TTC27: variants seen among roughly 807,000 people sequenced by gnomAD.
TTC27 encodes tetratricopeptide repeat domain 27.
A neutral mutation model predicts 115.9 loss-of-function variants in TTC27; 79 were observed. The observed-to-expected ratio is 0.68, with a 90% confidence interval of 0.57 to 0.82. The LOEUF (loss-of-function observed/expected upper bound fraction) is 0.82, where lower values mean the gene tolerates loss of function less well. TTC27 is among the 40% of genes least tolerant of loss of function. TTC27 has a pLI of 0.00. For missense variants in TTC27, 1,054 were observed against 993.1 expected, an observed-to-expected ratio of 1.06 and a Z score of -0.82; for synonymous variants, 401 against 356.0, an observed-to-expected ratio of 1.13 and a Z score of -1.42.
intron 5 of TTC27, among the ~76,000 whole-genome samples, chr2:32,658,476 G>A (rs190756565): frequency 2.2e-4 from 34 of 152,270 alleles, no homozygotes; most frequent in Admixed American, 1.9e-3. Flanking sequence ...ATCATTGTGA[G>A]AATTAAATAA....
intron 19 of TTC27, among the ~76,000 whole-genome samples, chr2:32,818,949 G>T (rs1671595335): frequency 2.0e-5 from 3 of 152,004 alleles, no homozygotes; most frequent in Non-Finnish European, 4.4e-5. Flanking sequence ...CTCCTAGCTT[G>T]GCAGCACAAC....
chr2:32,767,044 C>A (rs895274046), intron 13 of TTC27, among the ~76,000 whole-genome samples: 2 of 152,178 alleles, frequency 1.3e-5, no homozygotes, highest in Non-Finnish European at 2.9e-5. Flanking sequence ...GCTTGACCTT[C>A]CAAAGTGTTG....
At chr2:32,728,281 T>C (rs1307229905) in intron 10 of TTC27, among the ~76,000 whole-genome samples, 1 of 152,106 alleles carries the variant, frequency 6.6e-6, no homozygotes, top group Non-Finnish European at 1.5e-5. Context: ...GATCTTGTGA[T>C]CCGCCGGCCT....
At chr2:32,691,535 G>T (rs1451885594) in intron 9 of TTC27, among the ~76,000 whole-genome samples, 1 of 152,018 alleles carries the variant, frequency 6.6e-6, no homozygotes, top group Non-Finnish European at 1.5e-5. Flanking sequence ...CTGACCTCAG[G>T]TGATCAGTCC....
Position 32,811,111 on chromosome 2 carries a change from G to C in TTC27, c.2086G>C (p.Glu696Gln), listed in dbSNP as rs1329060613. 6.2e-6 allele frequency: 10 copies of C among 1,614,200 alleles called. No homozygotes were observed. Among genetic ancestry groups the C allele is most frequent in the Non-Finnish European group, 8.5e-6 (10 of 1,180,032 alleles). The change falls in exon 17 of 20, where the codon GAG becomes CAG. Residue 696 changes from glutamate (E) to glutamine (Q), a missense_variant. Physicochemically the swap from Glu to Gln is conservative, Grantham distance 29. Transcript: ENST00000317907. ...AACTGGCCTCAAAGGAAAGCTGCAG[G>C]AGTTATTTGGCAGAGTGACTTCAAG... ...VATGLKGKLQ[E>Q]LFGRVTSRVT...
chr2:32,777,514 G>A (rs2148012752), intron 13 of TTC27, among the ~76,000 whole-genome samples: 1 of 152,224 alleles, frequency 6.6e-6, no homozygotes, highest in African/African-American at 2.4e-5. Context: ...AGAAAAAAAT[G>A]TTTGTACATG....
intron 1 of TTC27, among the ~76,000 whole-genome samples, chr2:32,629,962 C>T (rs1664111264): frequency 6.6e-6 from 1 of 152,030 alleles, no homozygotes; most frequent in African/African-American, 2.4e-5. Context: ...ACTTTGGTGG[C>T]CTGGAAAACT....
At chr2:32,669,883 CAA>C (rs70938358) in intron 7 of TTC27, among the ~76,000 whole-genome samples, 1 of 108,908 alleles carries the variant, frequency 9.2e-6, no homozygotes. Flanking sequence ...GAGACTTTCT[CAA>C]AAAAAAAAAA....
rs1669133501 is a variant in TTC27, at chr2:32,754,457, G to A, written c.1453-3835G>A. Among the ~76,000 whole-genome samples, 7 of 149,388 alleles carry A rather than the reference G, an allele frequency of 4.7e-5. 1 individual carries two copies. The highest frequency in any genetic ancestry group is 4.0e-4 in the Admixed American group (6 of 15,008). ...CACATGTTTCAGAGAGCACAGGGTT[G>A]GGGGTAAGGTCATAGATCAACAGTA... On this transcript the variant is annotated intron_variant, in intron 12 of 19. Transcript: ENST00000317907.
chr2:32,743,024 A>C (rs1186749192), intron 12 of TTC27, among the ~76,000 whole-genome samples: 1 of 151,942 alleles, frequency 6.6e-6, no homozygotes, highest in Admixed American at 6.6e-5. Context: ...ATTAAGTCTA[A>C]TTTTGCTCTT....
chr2:32,703,468 A>AAAT (rs1325209380), intron 10 of TTC27, among the ~76,000 whole-genome samples: 1 of 152,012 alleles, frequency 6.6e-6, no homozygotes, highest in Non-Finnish European at 1.5e-5. Flanking sequence ...ACTCCATCTC[A>AAAT]AATAATAATA....
Position 32,817,472 on chromosome 2 carries a change from G to A in TTC27, c.2324G>A (p.Ser775Asn). The A allele has an allele frequency of 6.2e-7, 1 of 1,613,972 alleles. No homozygotes were observed. The highest frequency in any genetic ancestry group is 1.1e-5 in the South Asian group (1 of 91,074). The change falls in exon 19 of 20, where the codon AGT becomes AAT. Residue 775 changes from serine to asparagine, a missense_variant. Coordinates refer to ENST00000317907, the MANE Select transcript of TTC27 (RefSeq NM_017735.5). The part of the protein sequence containing the change: ...LGLAHVAIKC[S>N]KNKSSSQEAV... ...TATCTTCCAGTGGCCATAAAATGCA[G>A]TAAAAACAAATCCAGTTCCCAAGAA...
chr2:32,705,075 G>A, intron 10 of TTC27: 1 of 382,652 alleles, frequency 2.6e-6, no homozygotes, highest in South Asian at 2.0e-5. Context: ...GGCCTGGTGG[G>A]GGGTGTTGGG....
chr2:32,657,772 G>A (rs555457609), intron 5 of TTC27, among the ~76,000 whole-genome samples: 1 of 152,018 alleles, frequency 6.6e-6, no homozygotes, highest in South Asian at 2.1e-4. Context: ...CACTTAATGA[G>A]GTGACCAGTC....
intron 7 of TTC27, 95 bp downstream of exon 7, chr2:32,666,863 A>G (rs1665797135): frequency 1.5e-6 from 2 of 1,371,792 alleles, no homozygotes; most frequent in Non-Finnish European, 9.8e-7. Flanking sequence ...GGTTGGGGAC[A>G]GACTTCATTT....
rs1293556045 is a variant in TTC27, at chr2:32,640,449, CTT to C, written c.537+42_537+43del. 2.4e-5 allele frequency: 38 copies of C among 1,594,156 alleles called. No individual in the cohort carries two copies. The Admixed American group carries it at 6.5e-4, about 27-fold the overall frequency. The stretch of plus-strand genomic sequence containing the variant: ...CCATGAGATTCATACCCTGGTATGA[CTT>C]TTGTGCTTATTAACACCAGGCTGTA... On this transcript the variant is annotated intron_variant, in intron 4 of 19. Coordinates refer to ENST00000317907, the MANE Select transcript of TTC27 (RefSeq NM_017735.5).
intron 16 of TTC27, among the ~76,000 whole-genome samples, chr2:32,789,955 T>C (rs1448518427): frequency 1.4e-5 from 2 of 143,956 alleles, no homozygotes; most frequent in East Asian, 4.2e-4. Flanking sequence ...AAGAGAAGTC[T>C]TTCAGGAGCC....
chr2:32,712,050 T>A (rs1335564660), intron 10 of TTC27, among the ~76,000 whole-genome samples: 1 of 152,154 alleles, frequency 6.6e-6, no homozygotes, highest in African/African-American at 2.4e-5. Context: ...TGAAGTCAGG[T>A]AACCTTGCCC....
intron 8 of TTC27, among the ~76,000 whole-genome samples, 154 bp from the exon 9 acceptor site, chr2:32,678,702 C>A (rs550329968): frequency 1.2e-4 from 18 of 152,250 alleles, no homozygotes; most frequent in Non-Finnish European, 2.1e-4. Flanking sequence ...GTTGGGATCA[C>A]AGGTGTGAGC....
Sources: allele counts gnomAD v4.1 joint callset (sites outside exome capture counted in the v4.1 genomes callset), GRCh38; gene constraint gnomAD v4.1.1; transcripts MANE v1.5; gene names NCBI Gene and HGNC (gene_info 2026-07-23, HGNC 2026-07-21).